ANKS1B: variants seen among roughly 807,000 people sequenced by gnomAD.
ANKS1B encodes the protein ankyrin repeat and sterile alpha motif domain containing 1B.
A neutral mutation model predicts 148.3 loss-of-function variants in ANKS1B; 36 were observed. That is an observed-to-expected ratio of 0.24 (90% confidence interval 0.19 to 0.32). The LOEUF (loss-of-function observed/expected upper bound fraction) is 0.32, where lower values mean the gene tolerates loss of function less well. ANKS1B is among the 10% of genes least tolerant of loss of function. The pLI is 1.00. For missense variants in ANKS1B, 1,157 were observed against 1,542.6 expected, an observed-to-expected ratio of 0.75 and a Z score of 4.19; for synonymous variants, 542 against 560.8, an observed-to-expected ratio of 0.97 and a Z score of 0.47.
chr12:98,895,025 G>T, intron 17 of ANKS1B: 2 of 849,056 alleles, frequency 2.4e-6, no homozygotes, highest in Non-Finnish European at 2.8e-6. Context: ...TCCCCCGAAC[G>T]CCGTCTCCAG....
chr12:99,806,821 C>CA, intron 3 of ANKS1B, 121 bp from the exon 4 acceptor site: 1 of 981,186 alleles, frequency 1.0e-6, no homozygotes, highest in Non-Finnish European at 1.5e-6. Context: ...TCCATTTTAA[C>CA]AAGTATGCCT....
At chr12:99,902,007 T>C (rs981465416) in intron 1 of ANKS1B, among the ~76,000 whole-genome samples, 1 of 152,150 alleles carries the variant, frequency 6.6e-6, no homozygotes, top group African/African-American at 2.4e-5. Flanking sequence ...GTGAATAAGA[T>C]AGAAAAGGTC....
At chr12:99,291,605 TTA>T (rs1448716132) in intron 12 of ANKS1B, among the ~76,000 whole-genome samples, 1 of 152,174 alleles carries the variant, frequency 6.6e-6, no homozygotes, top group African/African-American at 2.4e-5. Flanking sequence ...TACAGTGAAC[TTA>T]TTTTTGACAA....
At chr12:98,773,203 C>G in intron 24 of ANKS1B, 24 bp from the exon 25 acceptor site, 2 of 1,586,276 alleles carry the variant, frequency 1.3e-6, no homozygotes, top group Non-Finnish European at 1.7e-6. Context: ...CATAAATGAT[C>G]ATTGTTTTCC....
rs143986093 is a variant in ANKS1B, at chr12:99,825,323, G to T, written c.201C>A (p.Ala67=). 9.7e-5 allele frequency: 157 copies of T among 1,612,564 alleles called. 1 individual carries two copies. The African/African-American group carries it at 1.4e-3, about 15-fold the overall frequency. ...GTGGCACTTACTTATGTCCATTTAAGGCTGCGTGGTGTAAAGCAGTGTAAC... is the reference window on the plus strand; with the variant it reads ...GTGGCACTTACTTATGTCCATTTAATGCTGCGTGGTGTAAAGCAGTGTAAC... ...SSGYTALHHA[A]LNGHKDIVLK... The change falls in exon 2 of 27, where the codon GCC becomes GCA. Residue 67 remains alanine, a synonymous_variant. Transcript: ENST00000683438.
chr12:98,886,835 G>A (rs1277786021), intron 17 of ANKS1B, among the ~76,000 whole-genome samples: 1 of 152,192 alleles, frequency 6.6e-6, no homozygotes, highest in East Asian at 1.9e-4. Context: ...TACAACGTTC[G>A]GCCATGATAT....
chr12:99,585,178 G>A (rs1199465703), intron 9 of ANKS1B, among the ~76,000 whole-genome samples: 1 of 152,082 alleles, frequency 6.6e-6, no homozygotes, highest in African/African-American at 2.4e-5. Context: ...AGATACAATG[G>A]AGGTCCAGGC....
At chr12:99,026,161 G>T (rs927293255) in intron 17 of ANKS1B, among the ~76,000 whole-genome samples, 2 of 152,114 alleles carry the variant, frequency 1.3e-5, no homozygotes, top group African/African-American at 4.8e-5. Flanking sequence ...AGTATCTCCA[G>T]CTTTGGATTA....
At chr12:98,753,338 C>T (rs930382142) in intron 25 of ANKS1B, among the ~76,000 whole-genome samples, 1 of 152,222 alleles carries the variant, frequency 6.6e-6, no homozygotes, top group African/African-American at 2.4e-5. Context: ...GGTCACAGAG[C>T]ATCAGAGAAG....
At chr12:99,821,612 G>A (rs976962981) in intron 2 of ANKS1B, among the ~76,000 whole-genome samples, 1 of 151,968 alleles carries the variant, frequency 6.6e-6, no homozygotes, top group African/African-American at 2.4e-5. Flanking sequence ...TCCATTTTGG[G>A]ACAATATTAC....
intron 15 of ANKS1B, among the ~76,000 whole-genome samples, chr12:99,087,398 C>A (rs940673526): frequency 6.6e-6 from 1 of 151,902 alleles, no homozygotes; most frequent in African/African-American, 2.4e-5. Context: ...CCAGCCATCT[C>A]GGAGGAAGCA....
At chr12:99,406,051 T>C (rs2094524926) in intron 11 of ANKS1B, among the ~76,000 whole-genome samples, 1 of 145,166 alleles carries the variant, frequency 6.9e-6, no homozygotes, top group South Asian at 2.1e-4. Flanking sequence ...AAGAGAGACA[T>C]AAACCCCAAT....
At chr12:99,000,148 T>A (rs901035917) in intron 17 of ANKS1B, among the ~76,000 whole-genome samples, 16 of 151,450 alleles carry the variant, frequency 1.1e-4, no homozygotes, top group African/African-American at 3.9e-4. Flanking sequence ...AAAAAAATAA[T>A]GTACATGAAC....
chr12:99,191,641 C>T lies in ANKS1B; in HGVS notation c.2420-37246G>A, dbSNP rs542350477. Among the ~76,000 whole-genome samples, 19 of 152,172 alleles carry T rather than the reference C, an allele frequency of 1.2e-4. No homozygotes were observed. The East Asian group carries it at 3.5e-3, about 28-fold the overall frequency. ...CTCTCACTCATAAGTGGGAACTGAA[C>T]AATGAGAACACATGGACACAGGGAG... On this transcript the variant is annotated intron_variant, in intron 14 of 26. Transcript: ENST00000683438.
chr12:99,707,225 C>T (rs1197379043), intron 8 of ANKS1B, among the ~76,000 whole-genome samples: 1 of 152,036 alleles, frequency 6.6e-6, no homozygotes, highest in African/African-American at 2.4e-5. Context: ...CCCAAGCCTC[C>T]AGTTTGTTTG....
chr12:99,974,588 T>C (rs772124648), intron 1 of ANKS1B, among the ~76,000 whole-genome samples: 12 of 152,094 alleles, frequency 7.9e-5, no homozygotes, highest in Non-Finnish European at 1.5e-4. Context: ...GAAGGAAGAA[T>C]TAGCCAGGCA....
At chr12:98,757,119 G>C (rs1441310719) in intron 25 of ANKS1B, among the ~76,000 whole-genome samples, 2 of 152,168 alleles carry the variant, frequency 1.3e-5, no homozygotes, top group Non-Finnish European at 2.9e-5. Context: ...CTAGCCACAA[G>C]GAGAGGCTGC....
intron 9 of ANKS1B, among the ~76,000 whole-genome samples, chr12:99,562,341 C>A (rs2097345096): frequency 1.3e-5 from 2 of 152,168 alleles, no homozygotes; most frequent in African/African-American, 4.8e-5. Flanking sequence ...CTGCATTCAC[C>A]CCTGACAAAA....
intron 4 of ANKS1B, among the ~76,000 whole-genome samples, chr12:99,797,150 T>C (rs986763096): frequency 6.6e-6 from 1 of 151,960 alleles, no homozygotes; most frequent in East Asian, 1.9e-4. Flanking sequence ...TTTCAAAATA[T>C]AGATTAATTT....
Sources: gnomAD v4.1 joint callset for allele counts (sites outside exome capture counted in the v4.1 genomes callset) on GRCh38, gnomAD v4.1.1 for gene constraint, MANE v1.5 for transcripts, NCBI Gene and HGNC (gene_info 2026-07-23, HGNC 2026-07-21) for gene names.